TSPAN15: variants seen among roughly 807,000 people sequenced by gnomAD.
TSPAN15 encodes tetraspanin-15.
Under a neutral mutation model 34.5 loss-of-function variants are expected in TSPAN15, and 20 were observed. That is an observed-to-expected ratio of 0.58 (90% confidence interval 0.41 to 0.84). The LOEUF (loss-of-function observed/expected upper bound fraction) is 0.84, where lower values mean the gene tolerates loss of function less well. Ranked by LOEUF, TSPAN15 falls within the 40% of genes least tolerant of loss-of-function variation. The pLI is 0.00. For synonymous variants in TSPAN15, 155 were observed against 153.9 expected (o/e 1.01, Z -0.05); for missense variants, 313 against 386.1 (o/e 0.81, Z 1.59).
the TSPAN15 span, among the ~76,000 whole-genome samples, chr10:69,545,694 C>T: frequency 2.6e-5 from 4 of 152,188 alleles, no homozygotes; most frequent in Admixed American, 6.5e-5. Flanking sequence ...CGGTGGCTCA[C>T]GCCTGTGATC....
At chr10:69,464,038 A>G (rs1841328572) in intron 1 of TSPAN15, among the ~76,000 whole-genome samples, 1 of 152,172 alleles carries the variant, frequency 6.6e-6, no homozygotes, top group Non-Finnish European at 1.5e-5. Flanking sequence ...CACACAGAGG[A>G]AACTGAGTAT....
At chr10:69,470,727 T>C (rs184182625) in intron 1 of TSPAN15, among the ~76,000 whole-genome samples, 1 of 152,068 alleles carries the variant, frequency 6.6e-6, no homozygotes, top group East Asian at 1.9e-4. Context: ...TCTCAATTAT[T>C]TAAAATAAAA....
intron 1 of TSPAN15, among the ~76,000 whole-genome samples, chr10:69,464,010 A>G (rs1032833227): frequency 6.6e-6 from 1 of 152,236 alleles, no homozygotes; most frequent in African/African-American, 2.4e-5. Context: ...TGAGACGGAC[A>G]GAAGAGGAGG....
At chr10:69,538,805 G>A in the TSPAN15 span, among the ~76,000 whole-genome samples, 1 of 152,224 alleles carries the variant, frequency 6.6e-6, no homozygotes, top group African/African-American at 2.4e-5. Flanking sequence ...GCCCCAGCCT[G>A]TGTGTCCAAG....
intron 1 of TSPAN15, among the ~76,000 whole-genome samples, chr10:69,481,932 G>A (rs1325931427): frequency 6.6e-6 from 1 of 152,142 alleles, no homozygotes; most frequent in South Asian, 2.1e-4. Flanking sequence ...GAAAGCCCAG[G>A]TCTTGTTCAT....
intron 1 of TSPAN15, among the ~76,000 whole-genome samples, chr10:69,467,813 C>T (rs1841420440): frequency 6.6e-6 from 1 of 152,120 alleles, no homozygotes; most frequent in Admixed American, 6.5e-5. Context: ...GTCCCTAAAA[C>T]ATCTCTCATA....
downstream of TSPAN15, among the ~76,000 whole-genome samples, chr10:69,510,823 A>G (rs953416629): frequency 4.6e-5 from 7 of 152,172 alleles, no homozygotes; most frequent in Non-Finnish European, 5.9e-5. Context: ...TTCTGCATCT[A>G]TTGAGATAAT....
the TSPAN15 span, among the ~76,000 whole-genome samples, chr10:69,516,695 C>CCTTGCA: frequency 3.3e-5 from 5 of 152,184 alleles, no homozygotes; most frequent in African/African-American, 1.2e-4. Context: ...CAGCACTTGC[C>CCTTGCA]CTTGCACTGA....
intron 1 of TSPAN15, among the ~76,000 whole-genome samples, chr10:69,455,625 T>TCCCCC (rs140635415): frequency 1.1e-4 from 9 of 82,834 alleles, no homozygotes; most frequent in African/African-American, 3.9e-4. Flanking sequence ...TCTCTCTCTC[T>TCCCCC]CCCCCCCCCG....
chr10:69,464,281 C>T (rs1310856676), intron 1 of TSPAN15, among the ~76,000 whole-genome samples: 4 of 151,876 alleles, frequency 2.6e-5, no homozygotes, highest in South Asian at 2.1e-4. Context: ...CCTTCTGCCT[C>T]ACCAGGTGGA....
chr10:69,490,911 A>G (rs1207336270), intron 3 of TSPAN15, among the ~76,000 whole-genome samples: 1 of 152,208 alleles, frequency 6.6e-6, no homozygotes, highest in Non-Finnish European at 1.5e-5. Flanking sequence ...GAACCCGTGG[A>G]TGTGGAGGGC....
intron 5 of TSPAN15, among the ~76,000 whole-genome samples, chr10:69,500,298 G>A (rs1388819613): frequency 1.3e-5 from 2 of 152,200 alleles, no homozygotes; most frequent in Non-Finnish European, 2.9e-5. Flanking sequence ...CTACTGGGGT[G>A]AGGGGGCCAG....
chr10:69,507,007 A>C lies in TSPAN15; in HGVS notation c.*29A>C. 6.2e-7 allele frequency: 1 copy of C among 1,601,320 alleles called. No individual in the cohort carries two copies. ...CCAGCCTGCCATGGCAGCTCCAACA[A>C]GGACCGTCTGGGATAGCACCTCTCA... On this transcript the variant is annotated 3_prime_UTR_variant, in exon 8 of 8. Coordinates refer to ENST00000373290, the MANE Select transcript of TSPAN15 (RefSeq NM_012339.5).
intron 1 of TSPAN15, 35 bp from the exon 2 acceptor site, chr10:69,483,656 C>CA (rs1157113369): frequency 6.3e-7 from 1 of 1,595,364 alleles, no homozygotes; most frequent in Non-Finnish European, 8.6e-7. Context: ...CAAGTGACCT[C>CA]AGTCTCTCTC....
chr10:69,462,675 G>T (rs1841296546), intron 1 of TSPAN15, among the ~76,000 whole-genome samples: 1 of 152,174 alleles, frequency 6.6e-6, no homozygotes, highest in Non-Finnish European at 1.5e-5. Context: ...ATTCTAACGT[G>T]CAGCTGGAGT....
In TSPAN15 at chr10:69,506,600, G is replaced by A. The variant is rs1184380866; in HGVS notation, c.736-229G>A. On this transcript the variant is annotated intron_variant, in intron 7 of 7. Coordinates refer to ENST00000373290, the MANE Select transcript of TSPAN15 (RefSeq NM_012339.5). This position sits in a 1 kb window ranked among gnomAD's most constrained non-coding sequence, Gnocchi z 4.7. ...CAGAAGGGAGGGGCCCTTGCTGATG[G>A]GGCACAGCGAGGCGCTCTGGGATTT... Among the ~76,000 whole-genome samples the A allele has an allele frequency of 6.6e-6, 1 of 152,186 alleles. No individual in the cohort carries two copies. Among genetic ancestry groups the A allele is most frequent in the Non-Finnish European group, 1.5e-5 (1 of 68,030 alleles).
At chr10:69,511,752 C>A (rs940594644), downstream of TSPAN15, among the ~76,000 whole-genome samples, 6 of 152,134 alleles carry the variant, frequency 3.9e-5, no homozygotes, top group Non-Finnish European at 5.9e-5. Flanking sequence ...TGCTGTGTCC[C>A]AGAGACCCTG....
chr10:69,502,649 C>A (rs937124806), intron 5 of TSPAN15, among the ~76,000 whole-genome samples: 9 of 152,136 alleles, frequency 5.9e-5, no homozygotes, highest in African/African-American at 2.2e-4. Context: ...CCCAGGCAGG[C>A]TTTACTTTTG....
chr10:69,492,322 C>T (rs902345937), intron 3 of TSPAN15, among the ~76,000 whole-genome samples: 16 of 152,232 alleles, frequency 1.1e-4, no homozygotes, highest in African/African-American at 3.9e-4. Flanking sequence ...GCACAGCCAG[C>T]TTGCCTCACG....
Sources: allele counts gnomAD v4.1 joint callset (sites outside exome capture counted in the v4.1 genomes callset), GRCh38; gene constraint gnomAD v4.1.1; non-coding constraint Gnocchi (gnomAD v3.1); transcripts MANE v1.5; gene names NCBI Gene and HGNC (gene_info 2026-07-23, HGNC 2026-07-21).